PAICS: variants seen among roughly 807,000 people sequenced by gnomAD.
PAICS encodes bifunctional phosphoribosylaminoimidazole carboxylase/phosphoribosylaminoimidazole succinocarboxamide synthetase.
A neutral mutation model predicts 53.7 loss-of-function variants in PAICS; 33 were observed. The observed-to-expected ratio is 0.61, with a 90% CI of 0.47 to 0.82. The LOEUF is 0.82. Ranked by LOEUF, PAICS falls within the 40% of genes least tolerant of loss-of-function variation. The probability of loss-of-function intolerance (pLI) is 0.00; values close to 1 mark genes in which losing one functional copy is unlikely to be tolerated. For synonymous variants in PAICS, 141 were observed against 167.2 expected, an observed-to-expected ratio of 0.84 and a Z score of 1.21; for missense variants, 394 against 494.1, an observed-to-expected ratio of 0.80 and a Z score of 1.92.
the PAICS span, among the ~76,000 whole-genome samples, chr4:56,430,641 G>A: frequency 2.9e-4 from 44 of 151,490 alleles, no homozygotes; most frequent in Non-Finnish European, 5.2e-4. Context: ...ATTTTTCTAT[G>A]TCTGGATATA....
chr4:56,414,189 C>G, the PAICS span: 9 of 152,192 alleles, frequency 5.9e-5, no homozygotes, highest in African/African-American at 2.2e-4. Context: ...AGGTTTGATT[C>G]ATTATGTAAT....
chr4:56,435,366 C>A (rs749162002), upstream of PAICS: 2 of 1,613,752 alleles, frequency 1.2e-6, no homozygotes, highest in Admixed American at 3.3e-5. Context: ...TGCAGCCCCA[C>A]GAGTCCCAGA....
At chr4:56,450,828 T>G in intron 6 of PAICS, 126 bp downstream of exon 6, 1 of 604,714 alleles carries the variant, frequency 1.7e-6, no homozygotes, top group Non-Finnish European at 3.0e-6. Flanking sequence ...TTTGTTGTTG[T>G]TTTTTTTGAG....
upstream of PAICS, chr4:56,435,419 G>A (rs775798687): frequency 1.2e-6 from 2 of 1,613,762 alleles, no homozygotes; most frequent in African/African-American, 2.7e-5. Flanking sequence ...CCACTCTCCT[G>A]AGGCGATGCA....
the PAICS span, among the ~76,000 whole-genome samples, chr4:56,426,437 T>C: frequency 6.6e-6 from 1 of 151,526 alleles, no homozygotes; most frequent in African/African-American, 2.4e-5. Flanking sequence ...TATCCATCAG[T>C]AGTTTAACTG....
At chr4:56,438,463 G>A (rs1393965913) in intron 1 of PAICS, among the ~76,000 whole-genome samples, 1 of 141,146 alleles carries the variant, frequency 7.1e-6, no homozygotes, top group Non-Finnish European at 1.5e-5. Context: ...ATGGAGTCTC[G>A]CTCTGTGTGG....
intron 1 of PAICS, among the ~76,000 whole-genome samples, chr4:56,439,059 GGTTGTTTCTTAT>G (rs1487695675): frequency 2.6e-5 from 4 of 151,932 alleles, no homozygotes; most frequent in South Asian, 4.1e-4. Flanking sequence ...TGTCACGTAT[GGTTGTTTCTTAT>G]GTTGTTTCTA....
Position 56,441,809 on chromosome 4 carries a change from G to A in PAICS, c.163G>A (p.Ala55Thr), listed in dbSNP as rs1346239994. 2 of 1,600,406 alleles carry A rather than the reference G, an allele frequency of 1.2e-6. No individual in the cohort carries two copies. The highest frequency in any genetic ancestry group is 1.7e-6 in the Non-Finnish European group (2 of 1,173,094). ...ARKNHLEGKA[A>T]ISNKITSCIF... Reference sequence around the variant, plus strand: ...AAAAAACCACCTGGAAGGAAAAGCTGCAATCTCAAATAAAATCACCAGTTG... The same window carrying A: ...AAAAAACCACCTGGAAGGAAAAGCTACAATCTCAAATAAAATCACCAGTTG... The change falls in exon 2 of 9, where the codon GCA becomes ACA. Residue 55 changes from alanine to threonine, a missense_variant. Ala to Thr is a moderately conservative substitution (Grantham distance 58). Coordinates refer to ENST00000512576, the MANE Select transcript of PAICS (RefSeq NM_001079524.2).
rs1315705850 is a variant in PAICS at position 56,456,329 on chromosome 4, T to C, written c.1111+2568T>C. ...CTGGTCTCGAACTCTTGACCTCAGG[T>C]GATCTGCCTGCCCTGGCCTCCCAAA... On this transcript the variant is annotated intron_variant, in intron 8 of 8. Coordinates refer to ENST00000512576, the MANE Select transcript of PAICS (RefSeq NM_001079524.2). Among the ~76,000 whole-genome samples the C allele has an allele frequency of 2.0e-5, 3 of 152,210 alleles. No homozygotes were observed. In the South Asian group the frequency reaches 6.2e-4, roughly 32 times the overall value.
chr4:56,416,996 C>T, the PAICS span, among the ~76,000 whole-genome samples: 3 of 152,150 alleles, frequency 2.0e-5, no homozygotes, highest in African/African-American at 4.8e-5. Context: ...ATTACAGGAG[C>T]GCACCATCAC....
chr4:56,432,612 C>T (rs1435993472), upstream of PAICS, among the ~76,000 whole-genome samples: 1 of 150,994 alleles, frequency 6.6e-6, no homozygotes, highest in Non-Finnish European at 1.5e-5. Flanking sequence ...AGTGAAACCC[C>T]GTTTCTACTA....
upstream of PAICS, chr4:56,435,239 C>A: frequency 1.3e-6 from 2 of 1,495,652 alleles, no homozygotes; most frequent in Non-Finnish European, 1.8e-6. Context: ...TGGCTTAGGT[C>A]GGAGAGGTCG....
At chr4:56,424,145 C>T in the PAICS span, among the ~76,000 whole-genome samples, 1 of 152,100 alleles carries the variant, frequency 6.6e-6, no homozygotes, top group African/African-American at 2.4e-5. Flanking sequence ...ACTTTGATAT[C>T]TGGCCAAAAA....
At chr4:56,423,345 G>A in the PAICS span, 1 of 152,186 alleles carries the variant, frequency 6.6e-6, no homozygotes, top group African/African-American at 2.4e-5. Flanking sequence ...AATTATGCCA[G>A]GTGCAGTTGG....
chr4:56,425,497 G>A, the PAICS span: 3 of 351,042 alleles, frequency 8.5e-6, no homozygotes, highest in South Asian at 2.3e-4. Context: ...TGTTTATTAT[G>A]AAGTCATGAT....
chr4:56,434,350 G>A (rs1388000306), upstream of PAICS, among the ~76,000 whole-genome samples: 1 of 152,124 alleles, frequency 6.6e-6, no homozygotes, highest in Admixed American at 6.5e-5. Flanking sequence ...TTGCTGTTAC[G>A]TGTTATTGCC....
In PAICS at chr4:56,450,873, A is replaced by T. The variant is rs1174147603; in HGVS notation, c.771+171A>T. 5.8e-6 allele frequency: 3 copies of T among 517,270 alleles called. No homozygotes were observed. The African/African-American group carries it at 5.9e-5, about 10-fold the overall frequency. The allele number at this position is 517,270 out of a possible 1,614,324, so 32.0% of individuals were successfully genotyped here. ...TGCTCTGTCGCCCAGGCTGGAGTGC[A>T]GTGGCGCCATCTCAGCTCACTGCAA... is the stretch of plus-strand genomic sequence containing the variant. On this transcript the variant is annotated intron_variant, in intron 6 of 8. Transcript: ENST00000512576.
rs1010057750 is a variant in PAICS, at chr4:56,464,202, T to C, written c.*4664T>C. ...TTTCTCATAATCTGTACATATCCTA[T>C]TGGTTCTGTATTTTTTAGAGAACAA... On this transcript the variant is annotated 3_prime_UTR_variant, in exon 9 of 9. Transcript: ENST00000512576. The C allele has an allele frequency of 2.0e-5, 3 of 152,182 alleles. No homozygotes were observed. Among genetic ancestry groups the C allele is most frequent in the Non-Finnish European group, 4.4e-5 (3 of 68,030 alleles). 9.4% of individuals were successfully genotyped at this position (152,182 alleles called of 1,614,324 possible). A position where few individuals can be genotyped will look rare whatever the true frequency, so the allele number is the denominator to read the frequency against.
At chr4:56,417,362 C>T in the PAICS span, among the ~76,000 whole-genome samples, 359 of 151,426 alleles carry the variant, frequency 2.4e-3, 1 homozygote, top group African/African-American at 8.3e-3. Flanking sequence ...CAAACAAATG[C>T]TATAAAGTTT....
Sources: gnomAD v4.1 joint callset for allele counts (sites outside exome capture counted in the v4.1 genomes callset) on GRCh38, gnomAD v4.1.1 for gene constraint, MANE v1.5 for transcripts, NCBI Gene and HGNC (gene_info 2026-07-23, HGNC 2026-07-21) for gene names.